Variants in GRID2 observed in about 807,000 individuals in gnomAD.
GRID2 encodes the protein glutamate receptor ionotropic, delta-2.
GRID2 carries 33 observed loss-of-function variants against 114.8 expected under a neutral mutation model. That is an observed-to-expected ratio of 0.29 (90% CI 0.22 to 0.38). GRID2 has a LOEUF of 0.38. GRID2 is among the 10% of genes least tolerant of loss of function. GRID2 has a pLI of 1.00. For missense variants in GRID2, 1,184 were observed against 1,257.7 expected (o/e 0.94, Z 0.89); for synonymous variants, 505 against 449.9 (o/e 1.12, Z -1.55).
At chr4:93,307,151 G>A (rs1430380587) in intron 8 of GRID2, among the ~76,000 whole-genome samples, 1 of 150,832 alleles carries the variant, frequency 6.6e-6, no homozygotes, top group African/African-American at 2.4e-5. Context: ...GCAGTGAGCC[G>A]AGATAGCGCC....
rs527770693 is a variant in GRID2, at chr4:92,975,156, C to CAA, written c.245-109819_245-109818dup. On this transcript the variant is annotated intron_variant, in intron 2 of 15. Transcript: ENST00000282020. ...TGGGCGACAGAGTGAGATTCCGCCTCAAAAAAAAAAAAAAAAAAAAAGGTG... is the reference window on the plus strand; with the variant it reads ...TGGGCGACAGAGTGAGATTCCGCCTCAAAAAAAAAAAAAAAAAAAAAAAGGTG... Among the ~76,000 whole-genome samples, 23 of 46,648 alleles carry CAA rather than the reference C, an allele frequency of 4.9e-4. 3 individuals carry two copies. Among genetic ancestry groups the CAA allele is most frequent in the Admixed American group, 1.8e-3 (5 of 2,762 alleles). 30.6% of individuals were successfully genotyped at this position (46,648 alleles called of 152,430 possible).
At chr4:92,707,099 T>A (rs189441823) in intron 2 of GRID2, among the ~76,000 whole-genome samples, 17 of 152,316 alleles carry the variant, frequency 1.1e-4, no homozygotes, top group Admixed American at 2.0e-4. Context: ...GGGAGTTATA[T>A]TGATTTTTTA....
At chr4:92,536,121 GC>G (rs556326910) in intron 1 of GRID2, among the ~76,000 whole-genome samples, 94 of 152,322 alleles carry the variant, frequency 6.2e-4, no homozygotes, top group African/African-American at 2.0e-3. Context: ...CACTGCTTGC[GC>G]CGGTGGCCTG....
intron 14 of GRID2, among the ~76,000 whole-genome samples, chr4:93,667,013 T>A (rs534849234): frequency 1.2e-4 from 19 of 152,132 alleles, no homozygotes; most frequent in Non-Finnish European, 2.4e-4. Flanking sequence ...TCAGTAATTA[T>A]TAATTGTACA....
chr4:92,450,667 CATATG>C (rs1720867512), intron 1 of GRID2, among the ~76,000 whole-genome samples: 1 of 151,724 alleles, frequency 6.6e-6, no homozygotes. Context: ...TTTTTCTACT[CATATG>C]ATATCATCAC....
intron 14 of GRID2, among the ~76,000 whole-genome samples, chr4:93,668,330 C>G (rs1205261627): frequency 6.6e-6 from 1 of 151,888 alleles, no homozygotes; most frequent in Non-Finnish European, 1.5e-5. Flanking sequence ...CTCCTACACT[C>G]AATGAACTTT....
At chr4:93,016,394 C>T (rs1722720328) in intron 2 of GRID2, among the ~76,000 whole-genome samples, 1 of 152,026 alleles carries the variant, frequency 6.6e-6, no homozygotes, top group Non-Finnish European at 1.5e-5. Context: ...TAAGCGCTTT[C>T]TGTAAATTAA....
At chr4:93,577,177 T>G (rs1736504931) in intron 13 of GRID2, among the ~76,000 whole-genome samples, 1 of 152,054 alleles carries the variant, frequency 6.6e-6, no homozygotes, top group African/African-American at 2.4e-5. Flanking sequence ...TACAAAGCCC[T>G]CAAATATCTT....
intron 4 of GRID2, among the ~76,000 whole-genome samples, chr4:93,202,294 AG>A (rs1472492357): frequency 1.3e-5 from 2 of 152,200 alleles, no homozygotes; most frequent in Non-Finnish European, 2.9e-5. Flanking sequence ...AAACAGCACT[AG>A]TGTTTATGAG....
intron 1 of GRID2, among the ~76,000 whole-genome samples, chr4:92,561,850 T>A (rs1390557040): frequency 6.6e-6 from 1 of 152,206 alleles, no homozygotes; most frequent in East Asian, 1.9e-4. Context: ...TTCCTCATGC[T>A]GAAACTGTCT....
At chr4:93,271,819 A>T (rs1428935137) in intron 8 of GRID2, among the ~76,000 whole-genome samples, 3 of 123,084 alleles carry the variant, frequency 2.4e-5, no homozygotes, top group African/African-American at 9.0e-5. Context: ...AACATTAACA[A>T]AGCTAAAAGT....
chr4:92,811,897 T>C (rs1431517526), intron 2 of GRID2, among the ~76,000 whole-genome samples: 2 of 152,126 alleles, frequency 1.3e-5, no homozygotes, highest in African/African-American at 2.4e-5. Context: ...ATTTTAAAGA[T>C]GTACTTATCT....
At chr4:92,510,623 TACGAAGAATAC>T (rs927721324) in intron 1 of GRID2, among the ~76,000 whole-genome samples, 23 of 151,736 alleles carry the variant, frequency 1.5e-4, no homozygotes, top group Non-Finnish European at 3.2e-4. Context: ...TACAATTAGA[TACGAAGAATAC>T]ACTCTAGTGT....
rs1740384365 is a variant in GRID2, at chr4:92,805,829, TG to T, written c.244+215544del. Reference sequence around the variant, plus strand: ...AGAAAAAAAAGTAATTTCCTCTTTTTGACACTTCTCATAGTTTCTCTATATG... The same window carrying T: ...AGAAAAAAAAGTAATTTCCTCTTTTTACACTTCTCATAGTTTCTCTATATG... On this transcript the variant is annotated intron_variant, in intron 2 of 15. Coordinates refer to ENST00000282020, the MANE Select transcript of GRID2 (RefSeq NM_001510.4). Among the ~76,000 whole-genome samples, 9 of 152,072 alleles carry T rather than the reference TG, an allele frequency of 5.9e-5. No individual in the cohort carries two copies. The South Asian group carries it at 1.9e-3, about 32-fold the overall frequency.
intron 2 of GRID2, among the ~76,000 whole-genome samples, chr4:92,738,951 C>T (rs1434784): frequency 9.9e-5 from 15 of 151,866 alleles, no homozygotes; most frequent in African/African-American, 2.9e-4. Context: ...TACAGGCAGG[C>T]GCCGTAACAC....
intron 2 of GRID2, among the ~76,000 whole-genome samples, chr4:93,036,565 TATTA>T (rs766941758): frequency 6.6e-6 from 1 of 152,178 alleles, no homozygotes; most frequent in Non-Finnish European, 1.5e-5. Flanking sequence ...TGCTTTCCTT[TATTA>T]TTTTTGCTAA....
chr4:92,590,051 T>C (rs962866473), intron 1 of GRID2, 80 bp from the exon 2 acceptor site: 11 of 941,704 alleles, frequency 1.2e-5, no homozygotes, highest in Non-Finnish European at 1.9e-5. Flanking sequence ...TTTAAACACA[T>C]AAGTCTCCTT....
intron 8 of GRID2, among the ~76,000 whole-genome samples, chr4:93,320,678 A>G (rs539009122): frequency 6.6e-6 from 1 of 152,178 alleles, no homozygotes; most frequent in East Asian, 1.9e-4. Flanking sequence ...GGAAGACATG[A>G]GTCAACCATA....
chr4:93,763,384 C>CTGAG lies in GRID2; in HGVS notation c.2361-5825_2361-5824insGAGT, dbSNP rs111831270. On this transcript the variant is annotated intron_variant, in intron 14 of 15. Coordinates refer to ENST00000282020, the MANE Select transcript of GRID2 (RefSeq NM_001510.4). Reference sequence around the variant, plus strand: ...CCACTGCTCAGTAGGCACAGTCCTCCTAAGATCAATTAAGTTATAGAGAAA... The same window carrying CTGAG: ...CCACTGCTCAGTAGGCACAGTCCTCCTGAGTAAGATCAATTAAGTTATAGAGAAA... Among the ~76,000 whole-genome samples, 1,060 of 152,230 alleles carry CTGAG rather than the reference C, an allele frequency of 7.0e-3. 12 individuals carry two copies. Among genetic ancestry groups the CTGAG allele is most frequent in the African/African-American group, 0.024 (1,012 of 41,536 alleles).
Sources: gnomAD v4.1 joint callset for allele counts (sites outside exome capture counted in the v4.1 genomes callset) on GRCh38, gnomAD v4.1.1 for gene constraint, MANE v1.5 for transcripts, NCBI Gene and HGNC (gene_info 2026-07-23, HGNC 2026-07-21) for gene names.